STOX1: variants seen among roughly 807,000 people sequenced by gnomAD.
STOX1 encodes the protein storkhead box 1, also known as storkhead-box protein 1.
STOX1 carries 57 observed loss-of-function variants against 74.8 expected under a neutral mutation model. The ratio of observed to expected loss-of-function variants is 0.76; its 90% confidence interval spans 0.62 to 0.95. The LOEUF is 0.95. Among genes scored for constraint, STOX1 ranks in the 40% least tolerant of loss-of-function variants. The probability of loss-of-function intolerance (pLI) is 0.00; values close to 1 mark genes in which losing one functional copy is unlikely to be tolerated. For synonymous variants in STOX1, 375 were observed against 401.3 expected (o/e 0.93, Z 0.78); for missense variants, 1,010 against 1,117.0 (o/e 0.90, Z 1.37).
chr10:68,828,548 G>A (rs1839326150), intron 1 of STOX1, among the ~76,000 whole-genome samples: 1 of 152,218 alleles, frequency 6.6e-6, no homozygotes, highest in African/African-American at 2.4e-5. Flanking sequence ...AGCCCGTGGA[G>A]TGCACAGAAG....
At chr10:68,859,498 A>G (rs1320584719) in intron 1 of STOX1, among the ~76,000 whole-genome samples, 1 of 152,078 alleles carries the variant, frequency 6.6e-6, no homozygotes, top group African/African-American at 2.4e-5. Flanking sequence ...CAGTCCTGAC[A>G]CTTTTTCTGT....
At chr10:68,872,851 G>C (rs1000262933) in intron 1 of STOX1, among the ~76,000 whole-genome samples, 5 of 151,874 alleles carry the variant, frequency 3.3e-5, no homozygotes, top group Non-Finnish European at 5.9e-5. Flanking sequence ...TCCAAGAGCA[G>C]ACCCTCTTGG....
At chr10:68,855,653 C>A (rs980019545) in intron 1 of STOX1, among the ~76,000 whole-genome samples, 1 of 151,694 alleles carries the variant, frequency 6.6e-6, no homozygotes, top group Non-Finnish European at 1.5e-5. Flanking sequence ...TTATATTACC[C>A]AGGCTGGTCT....
downstream of STOX1, among the ~76,000 whole-genome samples, chr10:68,894,848 C>A (rs1355032132): frequency 2.0e-5 from 3 of 152,154 alleles, no homozygotes; most frequent in African/African-American, 7.2e-5. Flanking sequence ...ACTTTAGCCC[C>A]CCGAGTAGCT....
chr10:68,893,439 A>G (rs1001112106), downstream of STOX1, among the ~76,000 whole-genome samples: 1 of 152,098 alleles, frequency 6.6e-6, no homozygotes, highest in African/African-American at 2.4e-5. Flanking sequence ...CTTCTTTGAG[A>G]TGGAGTCTTG....
intron 1 of STOX1, among the ~76,000 whole-genome samples, chr10:68,878,414 T>C (rs1381339812): frequency 6.6e-6 from 1 of 152,210 alleles, no homozygotes; most frequent in East Asian, 1.9e-4. Flanking sequence ...ATGCCCCGCT[T>C]GGACAGATTT....
chr10:68,836,979 T>A (rs1839572876), intron 1 of STOX1, among the ~76,000 whole-genome samples: 1 of 152,200 alleles, frequency 6.6e-6, no homozygotes, highest in African/African-American at 2.4e-5. Context: ...GCTACACAGT[T>A]GTTGAAGCAC....
intron 1 of STOX1, among the ~76,000 whole-genome samples, chr10:68,855,753 G>GAA (rs71474448): frequency 6.3e-5 from 9 of 143,164 alleles, no homozygotes; most frequent in South Asian, 2.2e-4. Flanking sequence ...CTAAAAAAAG[G>GAA]AAAAAAAAAA....
chr10:68,878,439 A>G lies in STOX1; in HGVS notation c.311-3519A>G, dbSNP rs186250176. ...TGGACAGATTTTCAGGACATCATCTATCGCCACTCTTTGAAATGCTAATTA... is the reference window on the plus strand; with the variant it reads ...TGGACAGATTTTCAGGACATCATCTGTCGCCACTCTTTGAAATGCTAATTA... On this transcript the variant is annotated intron_variant, in intron 1 of 3. Coordinates refer to ENST00000298596, the MANE Select transcript of STOX1 (RefSeq NM_152709.5). 6.6e-5 allele frequency among the ~76,000 whole-genome samples: 10 copies of G among 152,286 alleles called. No individual in the cohort carries two copies. In the East Asian group the frequency reaches 9.7e-4, roughly 15 times the overall value.
At position 68,882,129 on chromosome 10, in the gene STOX1, G is replaced by C; in HGVS notation, c.463+19G>C. The C allele has an allele frequency of 6.2e-7, 1 of 1,612,026 alleles. No homozygotes were observed. The highest frequency in any genetic ancestry group is 8.5e-7 in the Non-Finnish European group (1 of 1,178,326). ...TACCCAGGTAGAGTAATAAATTTTT[G>C]TCTATTTGTACTTCACTGTATGTGT... is the stretch of plus-strand genomic sequence containing the variant. On this transcript the variant is annotated intron_variant, in intron 2 of 3. Coordinates refer to ENST00000298596, the MANE Select transcript of STOX1 (RefSeq NM_152709.5).
At chr10:68,861,406 T>C (rs117843899) in intron 1 of STOX1, among the ~76,000 whole-genome samples, 8,279 of 152,204 alleles carry the variant, frequency 0.054, 262 homozygotes, top group Middle Eastern at 0.11. Context: ...ACACCTTGAG[T>C]GGTTTTCCAC....
chr10:68,870,614 TA>T (rs1237689644), intron 1 of STOX1, among the ~76,000 whole-genome samples: 1 of 152,204 alleles, frequency 6.6e-6, no homozygotes, highest in African/African-American at 2.4e-5. Flanking sequence ...GGATCCTGTC[TA>T]ATCACAGGTA....
At chr10:68,877,438 A>C (rs1450264596) in intron 1 of STOX1, among the ~76,000 whole-genome samples, 3 of 152,154 alleles carry the variant, frequency 2.0e-5, no homozygotes, top group Non-Finnish European at 4.4e-5. Context: ...TTGAAAAATC[A>C]AGTTTTTGCT....
chr10:68,828,040 C>A (rs1839308216), intron 1 of STOX1, 107 bp downstream of exon 1: 1 of 44,804 alleles, frequency 2.2e-5, no homozygotes, highest in Non-Finnish European at 3.4e-5. Flanking sequence ...CGGCGGGGGC[C>A]GCGGAGGAGC....
chr10:68,884,388 A>G lies in STOX1; in HGVS notation c.592A>G (p.Thr198Ala). 1.2e-6 allele frequency: 2 copies of G among 1,614,176 alleles called. No homozygotes were observed. Among genetic ancestry groups the G allele is most frequent in the Admixed American group, 1.7e-5 (1 of 60,032 alleles). Residue 198 changes from threonine to alanine, a missense_variant, in exon 3 of 4, where the codon ACC becomes GCC. By Grantham distance (58) the Thr-to-Ala change is moderately conservative (BLOSUM62 0). Transcript: ENST00000298596. ...TCAGACTTACTTCATTACAAATACA[A>G]CCACCCAGGAAAATAAGAGAATGCT... ...TPQTYFITNT[T>A]TQENKRMLPS...
rs1271101766 is a variant in STOX1 at position 68,884,382 on chromosome 10, A to G, written c.586A>G (p.Asn196Asp). 1.2e-6 allele frequency: 2 copies of G among 1,614,070 alleles called. No individual in the cohort carries two copies. The highest frequency in any genetic ancestry group is 1.7e-6 in the Non-Finnish European group (2 of 1,180,052). The change falls in exon 3 of 4, where the codon AAT becomes GAT. Residue 196 changes from asparagine (N) to aspartate (D), a missense_variant. Physicochemically the swap from Asn to Asp is conservative, Grantham distance 23. Transcript: ENST00000298596. ...TACTCCTCAGACTTACTTCATTACA[A>G]ATACAACCACCCAGGAAAATAAGAG... Reference protein sequence around the residue: ...IVTPQTYFITNTTTQENKRML... With the variant: ...IVTPQTYFITDTTTQENKRML...
intron 3 of STOX1, among the ~76,000 whole-genome samples, chr10:68,888,066 C>T (rs554709795): frequency 7.0e-4 from 106 of 151,986 alleles, no homozygotes; most frequent in African/African-American, 2.3e-3. Context: ...TTCTAACACA[C>T]ACACACGCGC....
At chr10:68,852,720 C>CTT (rs1242188109) in intron 1 of STOX1, among the ~76,000 whole-genome samples, 1 of 150,910 alleles carries the variant, frequency 6.6e-6, no homozygotes, top group Non-Finnish European at 1.5e-5. Context: ...GTAACTGGGA[C>CTT]TACAGGCACA....
chr10:68,861,233 C>G (rs1418241704), intron 1 of STOX1, among the ~76,000 whole-genome samples: 1 of 152,092 alleles, frequency 6.6e-6, no homozygotes, highest in Non-Finnish European at 1.5e-5. Context: ...TTTGACCCAC[C>G]TATTTATTGA....
Sources: allele counts gnomAD v4.1 joint callset (sites outside exome capture counted in the v4.1 genomes callset), GRCh38; gene constraint gnomAD v4.1.1; transcripts MANE v1.5; gene names NCBI Gene and HGNC (gene_info 2026-07-23, HGNC 2026-07-21).